The following RAB11FIP5 variants were observed in gnomAD, a reference collection of about 807,000 sequenced individuals.
RAB11FIP5 encodes rab11 family-interacting protein 5.
In RAB11FIP5, 48 loss-of-function variants were observed where a neutral mutation model predicts 85.1. That is an observed-to-expected ratio of 0.56 (90% confidence interval 0.45 to 0.72). The LOEUF (loss-of-function observed/expected upper bound fraction) is 0.72. Among genes scored for constraint, RAB11FIP5 ranks in the 30% least tolerant of loss-of-function variants. The pLI is 0.00. For synonymous variants in RAB11FIP5, 729 were observed against 727.3 expected (o/e 1.00, Z -0.04); for missense variants, 1,491 against 1,687.0 (o/e 0.88, Z 2.04).
chr2:73,085,162 C>A (rs1684068499), intron 3 of RAB11FIP5, among the ~76,000 whole-genome samples: 1 of 152,172 alleles, frequency 6.6e-6, no homozygotes, highest in Non-Finnish European at 1.5e-5. Context: ...TTTACACCAC[C>A]AAGAATGCAG....
Position 73,081,058 on chromosome 2 carries a change from G to T in RAB11FIP5, c.2174C>A (p.Pro725His). Residue 725 changes from proline (P) to histidine (H), a missense_variant, in exon 4 of 6, where the codon CCT (proline) becomes CAT (histidine). Pro to His is a moderately conservative substitution (Grantham distance 77, BLOSUM62 -2). This residue lies in a region of RAB11FIP5 where 1,211 missense variants were observed against 1,338.0 expected (regional missense o/e 0.91). Coordinates refer to ENST00000486777, the MANE Select transcript of RAB11FIP5 (RefSeq NM_001371272.1). This position sits in a 1 kb window ranked among gnomAD's most constrained non-coding sequence, Gnocchi z 4.2. Reference sequence around the variant, plus strand: ...CTGGTGGTTCGGTCCCAAGTCCAGAGGAACCCTGGGCTCCAGCCACACGCT... The same window carrying T: ...CTGGTGGTTCGGTCCCAAGTCCAGATGAACCCTGGGCTCCAGCCACACGCT... ...GSSVWLEPRV[P>H]LDLGPNHQSA... is the part of the protein sequence containing the mutation. The T allele has an allele frequency of 8.1e-7, 1 of 1,232,912 alleles. No homozygotes were observed. Among genetic ancestry groups the T allele is most frequent in the Non-Finnish European group, 1.0e-6 (1 of 988,682 alleles). The allele number at this position is 1,232,912 out of a possible 1,614,324, so 76.4% of individuals were successfully genotyped here.
chr2:73,083,330 C>A (rs1684035029), intron 3 of RAB11FIP5, among the ~76,000 whole-genome samples: 1 of 152,154 alleles, frequency 6.6e-6, no homozygotes, highest in African/African-American at 2.4e-5. Flanking sequence ...AGGAAGGAGT[C>A]CAACTAAACA....
chr2:73,082,994 C>T (rs1010213478), intron 3 of RAB11FIP5, among the ~76,000 whole-genome samples: 4 of 152,218 alleles, frequency 2.6e-5, no homozygotes, highest in Non-Finnish European at 4.4e-5. Context: ...AGGCCTGGCT[C>T]TAAGCTTCCA....
In RAB11FIP5 at chr2:73,073,790, G is replaced by A. The variant is rs1445963467; in HGVS notation, c.*1731C>T. ...ATACTTTTCTCAGATTTGATGAGTG[G>A]AGTTTAAGGTAGGTAACGTTACAGG... On this transcript the variant is annotated 3_prime_UTR_variant, in exon 6 of 6. Transcript: ENST00000486777. The A allele has an allele frequency of 6.6e-6, 1 of 152,224 alleles. No individual in the cohort carries two copies. Among genetic ancestry groups the A allele is most frequent in the Non-Finnish European group, 1.5e-5 (1 of 68,052 alleles). The allele number at this position is 152,224 out of a possible 1,614,324, so 9.4% of individuals were successfully genotyped here. A position where few individuals can be genotyped will look rare whatever the true frequency, so the allele number is the denominator to read the frequency against.
At chr2:73,087,516 C>A (rs1684112553) in intron 3 of RAB11FIP5, among the ~76,000 whole-genome samples, 1 of 152,144 alleles carries the variant, frequency 6.6e-6, no homozygotes, top group Non-Finnish European at 1.5e-5. Context: ...GGGGAAGCAA[C>A]TGGCAGGTGA....
At chr2:73,097,194 C>T (rs905675733) in intron 1 of RAB11FIP5, among the ~76,000 whole-genome samples, 2 of 152,126 alleles carry the variant, frequency 1.3e-5, no homozygotes, top group African/African-American at 2.4e-5. Context: ...TGTGCCACCC[C>T]GCCTGGCTAA....
chr2:73,110,075 T>C (rs1188329841), intron 1 of RAB11FIP5, among the ~76,000 whole-genome samples: 1 of 152,222 alleles, frequency 6.6e-6, no homozygotes, highest in African/African-American at 2.4e-5. Flanking sequence ...TGCCACTCTG[T>C]AGCCCCTTCC....
At chr2:73,092,289 C>T (rs1335545759) in intron 1 of RAB11FIP5, among the ~76,000 whole-genome samples, 1 of 152,208 alleles carries the variant, frequency 6.6e-6, no homozygotes, top group African/African-American at 2.4e-5. Flanking sequence ...CCAGCCTTTG[C>T]TGGGGCAGAC....
chr2:73,107,101 T>G (rs977993622), intron 1 of RAB11FIP5, among the ~76,000 whole-genome samples: 25 of 152,208 alleles, frequency 1.6e-4, no homozygotes, highest in African/African-American at 5.8e-4. Context: ...GGCACTGTGA[T>G]CAGACTCTTC....
chr2:73,108,713 A>G (rs1423342565), intron 1 of RAB11FIP5, among the ~76,000 whole-genome samples: 1 of 152,220 alleles, frequency 6.6e-6, no homozygotes, highest in East Asian at 1.9e-4. Context: ...CTTGGGAGTT[A>G]GGGAGGCAAA....
Position 73,112,413 on chromosome 2 carries a change from T to C in RAB11FIP5, c.365A>G (p.Lys122Arg). Reference sequence around the variant, plus strand: ...CGCCACCGTGGCCTGGCCCAGGAACTTGTCGACGCCGATGAGCGAGCGGTG... The same window carrying C: ...CGCCACCGTGGCCTGGCCCAGGAACCTGTCGACGCCGATGAGCGAGCGGTG... ...TMHRSLIGVD[K>R]FLGQATVALD... The change falls in exon 1 of 6, where the codon AAG (lysine) becomes AGG (arginine). Residue 122 changes from lysine to arginine, a missense_variant. Physicochemically the swap from Lys to Arg is conservative, Grantham distance 26. Transcript: ENST00000486777. The C allele has an allele frequency of 1.2e-6, 2 of 1,601,784 alleles. No individual in the cohort carries two copies. The highest frequency in any genetic ancestry group is 8.5e-7 in the Non-Finnish European group (1 of 1,176,680).
At chr2:73,111,680 C>T (rs1216986896) in intron 1 of RAB11FIP5, among the ~76,000 whole-genome samples, 1 of 152,208 alleles carries the variant, frequency 6.6e-6, no homozygotes, top group Non-Finnish European at 1.5e-5. Context: ...GGCAGGCAGG[C>T]CACTGGAAGG....
chr2:73,107,134 C>T (rs1374489788), intron 1 of RAB11FIP5, among the ~76,000 whole-genome samples: 1 of 152,230 alleles, frequency 6.6e-6, no homozygotes, highest in African/African-American at 2.4e-5. Flanking sequence ...GCCAGGTGCA[C>T]AGCAGACTCA....
chr2:73,076,027 T>C lies in RAB11FIP5; in HGVS notation c.3737A>G (p.Gln1246Arg), dbSNP rs1213058118. 1 of 1,613,830 alleles carries C rather than the reference T, an allele frequency of 6.2e-7. No homozygotes were observed. The change falls in exon 5 of 6, where the codon CAG (glutamine) becomes CGG (arginine). Residue 1246 changes from glutamine to arginine, a missense_variant. Around this residue, in one of 3 missense-constraint regions of RAB11FIP5, gnomAD observed 232 missense variants for 259.1 expected, o/e 0.90. Transcript: ENST00000486777. The part of the protein sequence containing the change: ...GSIQPVTQAP[Q>R]AGQMVDTKRL... ...TTTGGTGTCCACCATCTGGCCAGCC[T>C]GGGGGGCCTGGGTCACAGGCTGAAT...
At position 73,080,997 on chromosome 2, in the gene RAB11FIP5, C is replaced by A. The variant is rs1270503343; in HGVS notation, c.2235G>T (p.Ser745=). 2 of 1,232,228 alleles carry A rather than the reference C, an allele frequency of 1.6e-6. No individual in the cohort carries two copies. Among genetic ancestry groups the A allele is most frequent in the East Asian group, 3.2e-5 (1 of 31,718 alleles). The allele number at this position is 1,232,228 out of a possible 1,614,324, so 76.3% of individuals were successfully genotyped here. A position where few individuals can be genotyped will look rare whatever the true frequency, so the allele number is the denominator to read the frequency against. Reference sequence around the variant, plus strand: ...ACGAGGAGGGCAGGCCAGCCCCTACCGACCCGAGGAGCCCTGGGTCAGCCG... The same window carrying A: ...ACGAGGAGGGCAGGCCAGCCCCTACAGACCCGAGGAGCCCTGGGTCAGCCG... The part of the protein sequence containing the change: ...ASAADPGLLG[S]VGAGLPSSSA... The change falls in exon 4 of 6, where the codon TCG becomes TCT. Residue 745 remains serine (S), a synonymous_variant. Coordinates refer to ENST00000486777, the MANE Select transcript of RAB11FIP5 (RefSeq NM_001371272.1).
At position 73,089,445 on chromosome 2, in the gene RAB11FIP5, G is replaced by A. The variant is rs778769568; in HGVS notation, c.432-130C>T. The A allele has an allele frequency of 2.3e-5, 21 of 930,332 alleles. No individual in the cohort carries two copies. The highest frequency in any genetic ancestry group is 3.5e-5 in the Non-Finnish European group (20 of 570,594). 57.6% of individuals were successfully genotyped at this position (930,332 alleles called of 1,614,324 possible). On this transcript the variant is annotated intron_variant, in intron 1 of 5. Transcript: ENST00000486777. This position sits in a 1 kb window ranked among gnomAD's most constrained non-coding sequence, Gnocchi z 4.6. ...TGATAGCCTCTCCCCAAAGGCTCCTGCTCTGACCCATCGGCCTGGGCTTCC... is the reference window on the plus strand; with the variant it reads ...TGATAGCCTCTCCCCAAAGGCTCCTACTCTGACCCATCGGCCTGGGCTTCC...
In RAB11FIP5 at chr2:73,086,823, G is replaced by C. The variant is rs922959750; in HGVS notation, c.1568+1227C>G. ...GTAGGGACAGGAGCTGCCATACCAAGCAAGGGAGGCAAGGGGTGGCATGCC... is the reference window on the plus strand; with the variant it reads ...GTAGGGACAGGAGCTGCCATACCAACCAAGGGAGGCAAGGGGTGGCATGCC... On this transcript the variant is annotated intron_variant, in intron 3 of 5. Coordinates refer to ENST00000486777, the MANE Select transcript of RAB11FIP5 (RefSeq NM_001371272.1). This position sits in a 1 kb window ranked among gnomAD's most constrained non-coding sequence, Gnocchi z 4.4. 2.0e-5 allele frequency among the ~76,000 whole-genome samples: 3 copies of C among 152,124 alleles called. No individual in the cohort carries two copies. The highest frequency in any genetic ancestry group is 7.2e-5 in the African/African-American group (3 of 41,412).
In RAB11FIP5 at chr2:73,088,469, T is replaced by C; in HGVS notation, c.1149A>G (p.Thr383=). The change falls in exon 3 of 6, where the codon ACA becomes ACG. Residue 383 remains threonine (T), a synonymous_variant. Coordinates refer to ENST00000486777, the MANE Select transcript of RAB11FIP5 (RefSeq NM_001371272.1). ...GACTGCCTCTGGGCCAGGTGTCATCTGTGGAACGAGGCCCCTCCTCGGAGA... is the reference window on the plus strand; with the variant it reads ...GACTGCCTCTGGGCCAGGTGTCATCCGTGGAACGAGGCCCCTCCTCGGAGA... The part of the protein sequence containing the change: ...SRFSEEGPRS[T]DDTWPRGSRS... 2 of 1,614,008 alleles carry C rather than the reference T, an allele frequency of 1.2e-6. No homozygotes were observed. The highest frequency in any genetic ancestry group is 1.3e-5 in the African/African-American group (1 of 75,068).
At chr2:73,104,453 A>G (rs138403276) in intron 1 of RAB11FIP5, among the ~76,000 whole-genome samples, 14 of 152,330 alleles carry the variant, frequency 9.2e-5, no homozygotes, top group African/African-American at 2.9e-4. Context: ...CTGTAGTCCC[A>G]GCTGCTCGGT....
Sources: allele counts gnomAD v4.1 joint callset (sites outside exome capture counted in the v4.1 genomes callset), GRCh38; gene constraint gnomAD v4.1.1; regional missense constraint gnomAD v4.1.1; non-coding constraint Gnocchi (gnomAD v3.1); transcripts MANE v1.5; gene names NCBI Gene and HGNC (gene_info 2026-07-23, HGNC 2026-07-21).